SLC14A2: variants seen among roughly 807,000 people sequenced by gnomAD.
The protein encoded by SLC14A2 is solute carrier family 14 member 2.
Under a neutral mutation model 104.6 loss-of-function variants are expected in SLC14A2, and 91 were observed. The observed-to-expected ratio is 0.87, with a 90% CI of 0.73 to 1.04. The LOEUF is 1.04. Ranked by LOEUF, SLC14A2 falls within the 50% of genes least tolerant of loss-of-function variation. SLC14A2 has a pLI of 0.00. For synonymous variants in SLC14A2, 476 were observed against 466.4 expected (o/e 1.02, Z -0.27); for missense variants, 1,189 against 1,156.0 (o/e 1.03, Z -0.41).
At chr18:45,677,211 T>C (rs1235900917) in intron 18 of SLC14A2, among the ~76,000 whole-genome samples, 1 of 152,176 alleles carries the variant, frequency 6.6e-6, no homozygotes, top group Non-Finnish European at 1.5e-5. Flanking sequence ...TTCCTGCTAG[T>C]AATAACACCA....
At chr18:45,207,726 A>G in the SLC14A2 span, among the ~76,000 whole-genome samples, 5 of 152,214 alleles carry the variant, frequency 3.3e-5, no homozygotes, top group Non-Finnish European at 7.3e-5. Flanking sequence ...AAACACACAG[A>G]CATAGGGGAA....
In SLC14A2 at chr18:45,252,496, A is replaced by G. The variant is rs576604429; in HGVS notation, c.-125+39305A>G. On this transcript the variant is annotated intron_variant, in intron 1 of 20. Transcript: ENST00000586448. ...AAGTTAGATGGATATAATCCAGAAC[A>G]TAAACAGATATTTAAATGGAGTCAT... Among the ~76,000 whole-genome samples, 12 of 152,366 alleles carry G rather than the reference A, an allele frequency of 7.9e-5. No individual in the cohort carries two copies. The South Asian group carries it at 2.5e-3, about 32-fold the overall frequency.
chr18:45,642,381 G>A (rs1361135223), intron 8 of SLC14A2, among the ~76,000 whole-genome samples: 1 of 152,188 alleles, frequency 6.6e-6, no homozygotes. Flanking sequence ...ACTGCTTTTG[G>A]CCTTCAGAGA....
At chr18:45,572,771 T>C (rs2044366508) in intron 2 of SLC14A2, among the ~76,000 whole-genome samples, 1 of 152,222 alleles carries the variant, frequency 6.6e-6, no homozygotes, top group Non-Finnish European at 1.5e-5. Flanking sequence ...TGTGTGTGCA[T>C]TCCCCACTGG....
intron 2 of SLC14A2, among the ~76,000 whole-genome samples, chr18:45,532,169 G>A (rs1349877484): frequency 6.6e-6 from 1 of 152,152 alleles, no homozygotes; most frequent in Non-Finnish European, 1.5e-5. Context: ...TCTTAGGATT[G>A]ACTTGGCAGT....
chr18:45,577,056 C>G (rs1387613078), intron 2 of SLC14A2, among the ~76,000 whole-genome samples: 1 of 151,540 alleles, frequency 6.6e-6, no homozygotes, highest in Non-Finnish European at 1.5e-5. Flanking sequence ...ACAGAGAGGT[C>G]TGGAGTGAGA....
intron 10 of SLC14A2, among the ~76,000 whole-genome samples, chr18:45,662,129 CCT>C (rs1371384878): frequency 3.3e-5 from 5 of 152,248 alleles, no homozygotes; most frequent in African/African-American, 1.2e-4. Context: ...ATGGTGAAAC[CCT>C]GTCTCTACCA....
chr18:45,588,976 G>C (rs1186562949), intron 2 of SLC14A2, among the ~76,000 whole-genome samples: 3 of 1,800 alleles, frequency 1.7e-3, no homozygotes, highest in Non-Finnish European at 6.1e-3. Flanking sequence ...TTGGTGGGTG[G>C]GGGGGGGTGT....
chr18:45,371,230 C>G (rs1448458305), intron 1 of SLC14A2, among the ~76,000 whole-genome samples: 1 of 152,162 alleles, frequency 6.6e-6, no homozygotes, highest in East Asian at 1.9e-4. Flanking sequence ...ATAATTCCCA[C>G]GATCTCCTTC....
chr18:45,563,261 C>A (rs1042674096), intron 2 of SLC14A2, among the ~76,000 whole-genome samples: 7 of 152,178 alleles, frequency 4.6e-5, no homozygotes, highest in African/African-American at 1.7e-4. Flanking sequence ...CCAGACCCCG[C>A]CCTCATGGCC....
At chr18:45,212,436 G>C (rs910087647), upstream of SLC14A2, among the ~76,000 whole-genome samples, 2 of 152,118 alleles carry the variant, frequency 1.3e-5, no homozygotes, top group Non-Finnish European at 2.9e-5. Flanking sequence ...ATTTCCTTTG[G>C]TGAAAATGGG....
the SLC14A2 span, among the ~76,000 whole-genome samples, chr18:45,169,357 A>G: frequency 6.6e-6 from 1 of 152,156 alleles, no homozygotes; most frequent in African/African-American, 2.4e-5. Flanking sequence ...TTGAGACCTG[A>G]GGCTACTGCA....
upstream of SLC14A2, chr18:45,615,258 C>A (rs1260319208): frequency 6.6e-6 from 1 of 152,170 alleles, no homozygotes; most frequent in African/African-American, 2.4e-5. Context: ...AACATAATAT[C>A]TGGGAGGGGC....
intron 1 of SLC14A2, chr18:45,435,445 G>A (rs2086581241): frequency 1.3e-5 from 2 of 152,134 alleles, no homozygotes; most frequent in South Asian, 2.1e-4. Flanking sequence ...TGAAAAATGA[G>A]TATTTCATCA....
intron 1 of SLC14A2, among the ~76,000 whole-genome samples, chr18:45,331,610 G>A (rs1037956125): frequency 5.3e-5 from 8 of 151,270 alleles, no homozygotes; most frequent in Admixed American, 3.9e-4. Flanking sequence ...AGAATGGCAT[G>A]AACCCAGGAG....
chr18:45,250,912 G>A (rs1311674074), intron 1 of SLC14A2, among the ~76,000 whole-genome samples: 1 of 152,048 alleles, frequency 6.6e-6, no homozygotes, highest in Non-Finnish European at 1.5e-5. Context: ...AAAGTGTGTA[G>A]GTCCTACCAG....
chr18:45,559,789 T>C (rs1224169086), intron 2 of SLC14A2, among the ~76,000 whole-genome samples: 1 of 152,234 alleles, frequency 6.6e-6, no homozygotes, highest in African/African-American at 2.4e-5. Flanking sequence ...GACTGCTTTG[T>C]TTTCCCTGTC....
chr18:45,426,619 CACATATATATACTATATATCTAT>C (rs2086432759), intron 1 of SLC14A2, among the ~76,000 whole-genome samples: 1 of 146,692 alleles, frequency 6.8e-6, no homozygotes, highest in Admixed American at 6.9e-5. Flanking sequence ...TATATATATA[CACATATATATACTATATATCTAT>C]ATACATATAT....
At chr18:45,627,525 T>C (rs1252123677) in intron 4 of SLC14A2, among the ~76,000 whole-genome samples, 1 of 152,070 alleles carries the variant, frequency 6.6e-6, no homozygotes, top group African/African-American at 2.4e-5. Flanking sequence ...TACCAAGTGT[T>C]GGGAAGATTA....
Sources: allele counts gnomAD v4.1 joint callset (sites outside exome capture counted in the v4.1 genomes callset), GRCh38; gene constraint gnomAD v4.1.1; transcripts MANE v1.5; gene names NCBI Gene and HGNC (gene_info 2026-07-23, HGNC 2026-07-21).